The following HGD variants were observed in gnomAD, a reference collection of about 807,000 sequenced individuals.
The protein encoded by HGD is homogentisate 1,2-dioxygenase, also known as homogentisate oxidase.
A neutral mutation model predicts 60.8 loss-of-function variants in HGD; 61 were observed. The ratio of observed to expected loss-of-function variants is 1.00; its 90% confidence interval spans 0.82 to 1.24. HGD has a LOEUF of 1.24. HGD is among the 50% of genes most tolerant of loss of function. The pLI is 0.00. For synonymous variants in HGD, 212 were observed against 187.7 expected (o/e 1.13, Z -1.06); for missense variants, 542 against 547.1 (o/e 0.99, Z 0.09).
intron 4 of HGD, among the ~76,000 whole-genome samples, chr3:120,668,887 A>C (rs916045202): frequency 6.6e-6 from 1 of 152,226 alleles, no homozygotes; most frequent in African/African-American, 2.4e-5. Context: ...ACCTAAACTC[A>C]GGGACAAAGG....
At chr3:120,635,831 G>C (rs1294411587) in intron 12 of HGD, among the ~76,000 whole-genome samples, 1 of 152,126 alleles carries the variant, frequency 6.6e-6, no homozygotes. Flanking sequence ...AATGGGTTGA[G>C]ACCCTATAGC....
At chr3:120,644,701 G>T in intron 9 of HGD, 1 of 1,131,100 alleles carries the variant, frequency 8.8e-7, no homozygotes, top group Non-Finnish European at 1.2e-6. Context: ...AATCTTATAT[G>T]CATTATCTTA....
intron 10 of HGD, among the ~76,000 whole-genome samples, chr3:120,643,736 A>G (rs959581264): frequency 3.3e-5 from 5 of 152,150 alleles, no homozygotes; most frequent in Non-Finnish European, 7.3e-5. Context: ...TATTCAGTAC[A>G]TTTAGTAATA....
intron 4 of HGD, among the ~76,000 whole-genome samples, chr3:120,663,312 A>G (rs936815316): frequency 1.3e-5 from 2 of 152,140 alleles, no homozygotes; most frequent in Non-Finnish European, 2.9e-5. Context: ...GTCCATTTTT[A>G]TGCTGCTGAT....
intron 4 of HGD, among the ~76,000 whole-genome samples, chr3:120,664,276 T>A (rs566375018): frequency 6.6e-6 from 1 of 151,958 alleles, no homozygotes; most frequent in East Asian, 1.9e-4. Flanking sequence ...AGGGTTGGAG[T>A]CTGGGAAAAA....
At chr3:120,636,029 G>A (rs1049367965) in intron 12 of HGD, among the ~76,000 whole-genome samples, 1 of 151,150 alleles carries the variant, frequency 6.6e-6, no homozygotes, top group Admixed American at 6.6e-5. Context: ...CCAGCACTTT[G>A]GGAAGTCAAG....
At chr3:120,648,709 A>G (rs765004003) in intron 6 of HGD, among the ~76,000 whole-genome samples, 43 of 152,220 alleles carry the variant, frequency 2.8e-4, no homozygotes, top group Non-Finnish European at 5.9e-4. Context: ...CCTGGGACTC[A>G]AGAACAGCCC....
At chr3:120,666,849 CT>C (rs1318746083) in intron 4 of HGD, among the ~76,000 whole-genome samples, 1 of 152,118 alleles carries the variant, frequency 6.6e-6, no homozygotes, top group Non-Finnish European at 1.5e-5. Flanking sequence ...TTAACTCAAG[CT>C]TTTTAATCCA....
At chr3:120,629,069 G>A (rs989503422) in intron 13 of HGD, among the ~76,000 whole-genome samples, 2 of 152,214 alleles carry the variant, frequency 1.3e-5, no homozygotes, top group Admixed American at 6.5e-5. Flanking sequence ...GAAAAAGGGA[G>A]TGGGGAGGAG....
chr3:120,664,920 A>G (rs1199745785), intron 4 of HGD, among the ~76,000 whole-genome samples: 1 of 152,242 alleles, frequency 6.6e-6, no homozygotes, highest in Non-Finnish European at 1.5e-5. Context: ...TATTAATTAG[A>G]GAGTGATGCA....
intron 1 of HGD, among the ~76,000 whole-genome samples, chr3:120,678,390 C>T (rs1027528274): frequency 1.3e-5 from 2 of 152,176 alleles, no homozygotes; most frequent in African/African-American, 2.4e-5. Context: ...GTTCAACTGC[C>T]GCATTGTTTC....
At chr3:120,674,855 C>T in intron 3 of HGD, 46 bp downstream of exon 3, 3 of 1,310,680 alleles carry the variant, frequency 2.3e-6, no homozygotes, top group Non-Finnish European at 3.3e-6. Flanking sequence ...AAGTCCCTGT[C>T]ATAGTACCCA....
At chr3:120,669,956 C>A (rs752359003) in intron 4 of HGD, among the ~76,000 whole-genome samples, 11 of 152,146 alleles carry the variant, frequency 7.2e-5, no homozygotes, top group Middle Eastern at 3.2e-3. Context: ...TTATAGTTCC[C>A]ATAATCCTCA....
At chr3:120,656,608 G>T (rs1310374944) in intron 4 of HGD, among the ~76,000 whole-genome samples, 1 of 151,928 alleles carries the variant, frequency 6.6e-6, no homozygotes, top group Non-Finnish European at 1.5e-5. Flanking sequence ...CTGGAGTGCA[G>T]TGGCGCGATA....
At chr3:120,658,887 A>G (rs866499889) in intron 4 of HGD, among the ~76,000 whole-genome samples, 9 of 152,360 alleles carry the variant, frequency 5.9e-5, no homozygotes, top group African/African-American at 1.2e-4. Flanking sequence ...CGGTGCTTGG[A>G]TCCCTTTGAG....
intron 1 of HGD, among the ~76,000 whole-genome samples, chr3:120,676,474 GT>G (rs1708133247): frequency 6.6e-6 from 1 of 152,120 alleles, no homozygotes; most frequent in Admixed American, 6.6e-5. Context: ...TCTCAACCAG[GT>G]AAGTCATGGA....
At chr3:120,666,238 G>T (rs536751139) in intron 4 of HGD, among the ~76,000 whole-genome samples, 1 of 152,258 alleles carries the variant, frequency 6.6e-6, no homozygotes, top group South Asian at 2.1e-4. Context: ...CTCCCAGTGT[G>T]TGTGAAGACA....
chr3:120,641,414 T>A (rs1940974414), intron 11 of HGD, among the ~76,000 whole-genome samples, 175 bp downstream of exon 11: 1 of 152,196 alleles, frequency 6.6e-6, no homozygotes, highest in Non-Finnish European at 1.5e-5. Flanking sequence ...AGTATCTGGC[T>A]TTGCTTCCCT....
intron 4 of HGD, among the ~76,000 whole-genome samples, chr3:120,664,320 G>A (rs1707848282): frequency 6.6e-6 from 1 of 151,952 alleles, no homozygotes; most frequent in African/African-American, 2.4e-5. Flanking sequence ...GTGTTGCTGT[G>A]GGTCATATAT....
Sources: allele counts gnomAD v4.1 joint callset (sites outside exome capture counted in the v4.1 genomes callset), GRCh38; gene constraint gnomAD v4.1.1; transcripts MANE v1.5; gene names NCBI Gene and HGNC (gene_info 2026-07-23, HGNC 2026-07-21).